RSRC1: variants seen among roughly 807,000 people sequenced by gnomAD.
RSRC1 encodes serine/Arginine-related protein 53.
A neutral mutation model predicts 49.1 loss-of-function variants in RSRC1; 39 were observed. The ratio of observed to expected loss-of-function variants is 0.79; its 90% CI spans 0.61 to 1.04. The LOEUF is 1.04. Ranked by LOEUF, RSRC1 falls within the 50% of genes least tolerant of loss-of-function variation. RSRC1 has a pLI of 0.00. For missense variants in RSRC1, 388 were observed against 402.4 expected (o/e 0.96, Z 0.31); for synonymous variants, 143 against 130.8 (o/e 1.09, Z -0.63).
intron 5 of RSRC1, among the ~76,000 whole-genome samples, chr3:158,342,067 A>G (rs1730275672): frequency 6.6e-6 from 1 of 152,184 alleles, no homozygotes; most frequent in African/African-American, 2.4e-5. Flanking sequence ...TCTGGGAAGT[A>G]ACTAGCTTGC....
At chr3:158,196,310 T>C (rs1364636645) in intron 3 of RSRC1, among the ~76,000 whole-genome samples, 2 of 152,158 alleles carry the variant, frequency 1.3e-5, no homozygotes, top group Non-Finnish European at 2.9e-5. Context: ...TTGTCTGTTA[T>C]TGGTGTATAA....
At chr3:158,135,590 A>G (rs950871483) in intron 3 of RSRC1, among the ~76,000 whole-genome samples, 1 of 151,742 alleles carries the variant, frequency 6.6e-6, no homozygotes, top group Non-Finnish European at 1.5e-5. Flanking sequence ...TATAGTGTAA[A>G]TTTTTAATGT....
intron 8 of RSRC1, among the ~76,000 whole-genome samples, chr3:158,540,771 A>C (rs909215688): frequency 1.8e-4 from 27 of 152,176 alleles, no homozygotes; most frequent in African/African-American, 5.8e-4. Flanking sequence ...CAGCCAAAAC[A>C]ATATTTTTCA....
rs977997373 is a variant in RSRC1 at position 158,401,466 on chromosome 3, A to G, written c.583+46558A>G. Among the ~76,000 whole-genome samples, 7 of 152,166 alleles carry G rather than the reference A, an allele frequency of 4.6e-5. No homozygotes were observed. The South Asian group carries it at 1.5e-3, about 32-fold the overall frequency. ...CGATAGGACGGAGAAACGTCTGGGT[A>G]AAAAACAGATTGCATGAGAACGAGA... On this transcript the variant is annotated intron_variant, in intron 6 of 9. Coordinates refer to ENST00000611884, the MANE Select transcript of RSRC1 (RefSeq NM_001271838.2).
intron 4 of RSRC1, among the ~76,000 whole-genome samples, chr3:158,290,295 T>C (rs529456383): frequency 6.6e-6 from 1 of 152,188 alleles, no homozygotes; most frequent in East Asian, 1.9e-4. Flanking sequence ...TGTTTTGAGA[T>C]GGAGTCTTGC....
chr3:158,222,733 A>G (rs1722296635), intron 4 of RSRC1, among the ~76,000 whole-genome samples: 1 of 151,470 alleles, frequency 6.6e-6, no homozygotes, highest in African/African-American at 2.4e-5. Flanking sequence ...TTCTGACCCA[A>G]ATTAGCATCA....
At chr3:158,453,326 G>C (rs1737148673) in intron 6 of RSRC1, among the ~76,000 whole-genome samples, 1 of 151,482 alleles carries the variant, frequency 6.6e-6, no homozygotes, top group Non-Finnish European at 1.5e-5. Flanking sequence ...GCTTGATGCA[G>C]GGTATATGTA....
chr3:158,166,677 T>A (rs910510588), intron 3 of RSRC1, among the ~76,000 whole-genome samples: 17 of 152,328 alleles, frequency 1.1e-4, no homozygotes, highest in Middle Eastern at 3.4e-3. Context: ...GCAATGCATA[T>A]TTCTTAGGAA....
Position 158,543,371 on chromosome 3 carries a change from A to G in RSRC1, c.796A>G (p.Thr266Ala), listed in dbSNP as rs559655129. 44 of 1,592,996 alleles carry G rather than the reference A, an allele frequency of 2.8e-5. No homozygotes were observed. The highest frequency in any genetic ancestry group is 1.3e-4 in the South Asian group (11 of 86,342). Residue 266 changes from threonine to alanine, a missense_variant, in exon 9 of 10, where the codon ACA becomes GCA. By Grantham distance (58) the Thr-to-Ala change is moderately conservative. Transcript: ENST00000611884. ...TAGTGAAGTGAAACAAGCAACTTCA[A>G]CATCAGGACCAGCATCAGCAGTTGC... The part of the protein sequence containing the change: ...EPSEVKQATS[T>A]SGPASAVADP...
intron 4 of RSRC1, among the ~76,000 whole-genome samples, chr3:158,254,131 T>C (rs1193535): frequency 0.43 from 65,723 of 152,028 alleles, 14,529 homozygotes; most frequent in East Asian, 0.64. Context: ...TTCCATGGTG[T>C]ATATGTGCCA....
chr3:158,319,730 T>G (rs970499610), intron 5 of RSRC1, among the ~76,000 whole-genome samples: 3 of 152,158 alleles, frequency 2.0e-5, no homozygotes, highest in African/African-American at 7.2e-5. Flanking sequence ...ATTTTATATT[T>G]AAAATGGCTT....
chr3:158,192,566 G>A lies in RSRC1; in HGVS notation c.321-10506G>A, dbSNP rs76708628. ...ATTGGGTAGATAGTACTTGATAGAA[G>A]ACCTCACTGCTAATTGCAGTATCCC... On this transcript the variant is annotated intron_variant, in intron 3 of 9. Transcript: ENST00000611884. Among the ~76,000 whole-genome samples, 984 of 152,140 alleles carry A rather than the reference G, an allele frequency of 6.5e-3. 6 individuals are homozygous for A. Among genetic ancestry groups the A allele is most frequent in the Non-Finnish European group, 8.3e-3 (564 of 67,986 alleles).
At chr3:158,386,104 G>A (rs926047053) in intron 6 of RSRC1, among the ~76,000 whole-genome samples, 3 of 151,976 alleles carry the variant, frequency 2.0e-5, no homozygotes, top group African/African-American at 7.2e-5. Flanking sequence ...ATGATTACAA[G>A]TTATTGAGTG....
intron 6 of RSRC1, among the ~76,000 whole-genome samples, chr3:158,422,561 C>G (rs1307473767): frequency 6.6e-6 from 1 of 151,054 alleles, no homozygotes; most frequent in Non-Finnish European, 1.5e-5. Context: ...TTTATAGCAG[C>G]ATGATTTATC....
At chr3:158,435,872 A>G (rs1736015905) in intron 6 of RSRC1, among the ~76,000 whole-genome samples, 1 of 151,796 alleles carries the variant, frequency 6.6e-6, no homozygotes, top group South Asian at 2.1e-4. Flanking sequence ...CATATATCTT[A>G]AAAAGAGAAG....
At chr3:158,430,086 T>G (rs572685840) in intron 6 of RSRC1, among the ~76,000 whole-genome samples, 1 of 150,890 alleles carries the variant, frequency 6.6e-6, no homozygotes, top group African/African-American at 2.4e-5. Context: ...AAAAATAAAA[T>G]AAAATAAAAT....
At chr3:158,154,304 A>G (rs1474576125) in intron 3 of RSRC1, among the ~76,000 whole-genome samples, 1 of 152,112 alleles carries the variant, frequency 6.6e-6, no homozygotes, top group Non-Finnish European at 1.5e-5. Flanking sequence ...CTTGATGTTG[A>G]TGGCTGCCCA....
Position 158,448,472 on chromosome 3 carries a change from T to C in RSRC1, c.584-12463T>C, listed in dbSNP as rs545365728. On this transcript the variant is annotated intron_variant, in intron 6 of 9. Coordinates refer to ENST00000611884, the MANE Select transcript of RSRC1 (RefSeq NM_001271838.2). ...AAGATACATATAAGCAAAAGGCTTA[T>C]ACAAAAGGCTGTAAGACCTTACGCA... Among the ~76,000 whole-genome samples, 67 of 152,036 alleles carry C rather than the reference T, an allele frequency of 4.4e-4. 3 individuals are homozygous for C. The South Asian group carries it at 0.013, about 31-fold the overall frequency.
At chr3:158,144,547 G>A (rs191372304) in intron 3 of RSRC1, among the ~76,000 whole-genome samples, 52 of 152,278 alleles carry the variant, frequency 3.4e-4, no homozygotes, top group African/African-American at 1.2e-3. Flanking sequence ...ATGGACATTT[G>A]GGTTGGTTCC....
Sources: allele counts gnomAD v4.1 joint callset (sites outside exome capture counted in the v4.1 genomes callset), GRCh38; gene constraint gnomAD v4.1.1; transcripts MANE v1.5; gene names NCBI Gene and HGNC (gene_info 2026-07-23, HGNC 2026-07-21).